TAF4B: variants seen among roughly 807,000 people sequenced by gnomAD.
TAF4B encodes TATA-box binding protein associated factor 4b, also known as transcription initiation factor TFIID subunit 4B.
TAF4B carries 38 observed loss-of-function variants against 86.4 expected under a neutral mutation model. The ratio of observed to expected loss-of-function variants is 0.44; its 90% confidence interval spans 0.34 to 0.58. The LOEUF (loss-of-function observed/expected upper bound fraction) is 0.58. Among genes scored for constraint, TAF4B ranks in the 20% least tolerant of loss-of-function variants. The pLI is 0.02. For missense variants in TAF4B, 988 were observed against 1,027.6 expected, an observed-to-expected ratio of 0.96 and a Z score of 0.53; for synonymous variants, 388 against 391.2, an observed-to-expected ratio of 0.99 and a Z score of 0.10.
At chr18:26,286,574 T>A in intron 7 of TAF4B, 75 bp downstream of exon 7, 1 of 1,468,060 alleles carries the variant, frequency 6.8e-7, no homozygotes, top group Non-Finnish European at 9.1e-7. Context: ...GTAAGACTAG[T>A]AGAAAACTAG....
chr18:26,302,138 C>T (rs986481837), intron 9 of TAF4B, among the ~76,000 whole-genome samples: 6 of 151,998 alleles, frequency 3.9e-5, no homozygotes, highest in African/African-American at 1.4e-4. Flanking sequence ...AACAGAAGTC[C>T]TTTTTAATTC....
intron 9 of TAF4B, among the ~76,000 whole-genome samples, chr18:26,305,555 C>G (rs914736319): frequency 6.6e-6 from 1 of 152,048 alleles, no homozygotes; most frequent in Non-Finnish European, 1.5e-5. Context: ...TACAGGCACG[C>G]GCCACCACTC....
intron 12 of TAF4B, among the ~76,000 whole-genome samples, chr18:26,333,969 C>G (rs565599126): frequency 6.6e-6 from 1 of 151,924 alleles, no homozygotes; most frequent in African/African-American, 2.4e-5. Flanking sequence ...GAAATGTGCC[C>G]ATTTTATATT....
At chr18:26,255,390 G>A (rs944065579) in intron 1 of TAF4B, among the ~76,000 whole-genome samples, 2 of 151,864 alleles carry the variant, frequency 1.3e-5, no homozygotes, top group Admixed American at 6.6e-5. Flanking sequence ...GTTAAAAATA[G>A]GAGGGTCATT....
chr18:26,256,310 G>A, intron 1 of TAF4B: 1 of 1,450,786 alleles, frequency 6.9e-7, no homozygotes, highest in East Asian at 2.3e-5. Context: ...TGCAAATACA[G>A]CAGCCCTCTA....
intron 14 of TAF4B, among the ~76,000 whole-genome samples, chr18:26,367,269 T>C (rs1245228656): frequency 1.3e-5 from 2 of 152,024 alleles, no homozygotes; most frequent in African/African-American, 4.8e-5. Flanking sequence ...CCCAGGTAAG[T>C]TGGTGGTATA....
At chr18:26,295,740 A>G (rs1039722117) in intron 9 of TAF4B, among the ~76,000 whole-genome samples, 1 of 152,174 alleles carries the variant, frequency 6.6e-6, no homozygotes, top group Admixed American at 6.6e-5. Context: ...TGTGAAATCA[A>G]CACTTTTTGT....
At chr18:26,301,162 A>T (rs1469644547) in intron 9 of TAF4B, among the ~76,000 whole-genome samples, 1 of 152,172 alleles carries the variant, frequency 6.6e-6, no homozygotes, top group East Asian at 1.9e-4. Flanking sequence ...CATTACTAGA[A>T]ACCACGACCA....
chr18:26,348,127 G>T (rs2057215335), intron 13 of TAF4B, among the ~76,000 whole-genome samples: 1 of 152,180 alleles, frequency 6.6e-6, no homozygotes, highest in Non-Finnish European at 1.5e-5. Flanking sequence ...ATTCTTTCCA[G>T]AAGTACATGG....
chr18:26,370,382 A>C (rs894822171), intron 14 of TAF4B, among the ~76,000 whole-genome samples: 1 of 151,140 alleles, frequency 6.6e-6, no homozygotes, highest in Admixed American at 6.6e-5. Flanking sequence ...TAAAAATTGC[A>C]TGAGAGATAT....
chr18:26,337,076 C>T (rs1384809250), intron 13 of TAF4B, among the ~76,000 whole-genome samples: 7 of 152,146 alleles, frequency 4.6e-5, no homozygotes, highest in African/African-American at 1.7e-4. Context: ...TTTTTCTCTT[C>T]CTTTGCACCT....
intron 7 of TAF4B, among the ~76,000 whole-genome samples, chr18:26,290,436 A>G (rs1358651756): frequency 2.0e-5 from 3 of 152,184 alleles, no homozygotes; most frequent in Non-Finnish European, 4.4e-5. Flanking sequence ...TGAGAATTAT[A>G]TAGTTGTTTT....
intron 14 of TAF4B, among the ~76,000 whole-genome samples, chr18:26,372,348 A>G (rs905911825): frequency 2.0e-5 from 3 of 152,236 alleles, no homozygotes; most frequent in Non-Finnish European, 4.4e-5. Context: ...GTGGATTACC[A>G]TAAACTTAAT....
chr18:26,249,351 A>G (rs952851212), intron 1 of TAF4B, among the ~76,000 whole-genome samples: 2 of 152,126 alleles, frequency 1.3e-5, no homozygotes, highest in African/African-American at 2.4e-5. Flanking sequence ...GTATTGTGGT[A>G]CATGCCTGTA....
intron 1 of TAF4B, among the ~76,000 whole-genome samples, chr18:26,228,333 C>T (rs1046608131): frequency 1.2e-4 from 18 of 152,064 alleles, no homozygotes; most frequent in Admixed American, 5.2e-4. Flanking sequence ...ATGACAGGGA[C>T]CCTTTTTGTA....
At chr18:26,331,065 TTGTCAC>T in intron 12 of TAF4B, among the ~76,000 whole-genome samples, 1 of 152,260 alleles carries the variant, frequency 6.6e-6, no homozygotes, top group Non-Finnish European at 1.5e-5. Context: ...CACCACAGCC[TTGTCAC>T]TGTGCTGCTT....
At chr18:26,345,177 G>T (rs2057167000) in intron 13 of TAF4B, among the ~76,000 whole-genome samples, 1 of 152,108 alleles carries the variant, frequency 6.6e-6, no homozygotes, top group African/African-American at 2.4e-5. Flanking sequence ...CTACCCAACA[G>T]CCCTGCACCC....
At chr18:26,327,814 G>A (rs1271193036) in intron 12 of TAF4B, among the ~76,000 whole-genome samples, 3 of 152,204 alleles carry the variant, frequency 2.0e-5, no homozygotes, top group Non-Finnish European at 2.9e-5. Flanking sequence ...TTGGAACTCC[G>A]ACCTTGGGTG....
chr18:26,257,881 GTGTGTA>G (rs2056108739), intron 1 of TAF4B, among the ~76,000 whole-genome samples: 1 of 131,602 alleles, frequency 7.6e-6, no homozygotes, highest in Non-Finnish European at 1.6e-5. Context: ...GTGTGTGTGT[GTGTGTA>G]ATTATTGCTT....
Sources: gnomAD v4.1 joint callset for allele counts (sites outside exome capture counted in the v4.1 genomes callset) on GRCh38, gnomAD v4.1.1 for gene constraint, MANE v1.5 for transcripts, NCBI Gene and HGNC (gene_info 2026-07-23, HGNC 2026-07-21) for gene names.